The following COL9A1 variants were observed in gnomAD, a reference collection of about 807,000 sequenced individuals.
COL9A1 encodes collagen type IX alpha 1 chain, also known as collagen alpha-1(IX) chain.
In COL9A1, 104 loss-of-function variants were observed where a neutral mutation model predicts 142.6. The observed-to-expected ratio is 0.73, with a 90% CI of 0.62 to 0.86. The LOEUF is 0.86. COL9A1 is among the 40% of genes least tolerant of loss of function. The probability of loss-of-function intolerance (pLI) is 0.00; values close to 1 mark genes in which losing one functional copy is unlikely to be tolerated. For missense variants in COL9A1, 1,210 were observed against 1,176.6 expected, an observed-to-expected ratio of 1.03 and a Z score of -0.42; for synonymous variants, 466 against 396.0, an observed-to-expected ratio of 1.18 and a Z score of -2.10.
intron 5 of COL9A1, among the ~76,000 whole-genome samples, chr6:70,291,466 A>C (rs1275485193): frequency 6.6e-6 from 1 of 152,084 alleles, no homozygotes; most frequent in Non-Finnish European, 1.5e-5. Context: ...AGCATGCAGC[A>C]CTGGCCACTA....
chr6:70,234,828 C>A lies in COL9A1; in HGVS notation c.2225G>T (p.Gly742Val), dbSNP rs1206093741. 5 of 1,613,918 alleles carry A rather than the reference C, an allele frequency of 3.1e-6. No individual in the cohort carries two copies. The highest frequency in any genetic ancestry group is 4.2e-6 in the Non-Finnish European group (5 of 1,179,954). The change falls in exon 34 of 38, where the codon GGT (glycine) becomes GTT (valine). Residue 742 changes from glycine (G) to valine (V), a missense_variant. Physicochemically the swap from Gly to Val is moderately radical, Grantham distance 109. Transcript: ENST00000357250. ...PGPRGVQGEQ[G>V]ATGLPGVQGP... ...CTGGACACCAGGCAGGCCGGTGGCA[C>A]CCTGTTCTCCCTGCACACCCCGGGG...
chr6:70,235,714 C>T (rs551323449), intron 33 of COL9A1, among the ~76,000 whole-genome samples: 7 of 129,554 alleles, frequency 5.4e-5, no homozygotes, highest in African/African-American at 1.7e-4. Flanking sequence ...AGTTATTTAG[C>T]CCTTACAACT....
intron 21 of COL9A1, among the ~76,000 whole-genome samples, chr6:70,255,806 C>T (rs1180737816): frequency 1.4e-5 from 2 of 142,744 alleles, no homozygotes; most frequent in Non-Finnish European, 3.1e-5. Context: ...TAATTTCTGT[C>T]GAAGTGATCT....
intron 37 of COL9A1, among the ~76,000 whole-genome samples, chr6:70,223,728 T>C (rs1417587417): frequency 6.6e-6 from 1 of 152,262 alleles, no homozygotes; most frequent in Non-Finnish European, 1.5e-5. Flanking sequence ...CTCTGGCATC[T>C]GTGCTTTTGA....
At position 70,281,408 on chromosome 6, in the gene COL9A1, T is replaced by C. The variant is rs781351855; in HGVS notation, c.858A>G (p.Pro286=). The change falls in exon 8 of 38, where the codon CCA becomes CCG. Residue 286 remains proline (P), a synonymous_variant. Coordinates refer to ENST00000357250, the MANE Select transcript of COL9A1 (RefSeq NM_001851.6). ...PPGPPGPPGV[P]GIDGIDGDRG... ...AACTTACGTCGATGCCATCGATGCCTGGAACTCCAGGGGGGCCCGGAGGCC... is the reference window on the plus strand; with the variant it reads ...AACTTACGTCGATGCCATCGATGCCCGGAACTCCAGGGGGGCCCGGAGGCC... 1.9e-6 allele frequency: 3 copies of C among 1,613,534 alleles called. No homozygotes were observed. The highest frequency in any genetic ancestry group is 1.3e-5 in the African/African-American group (1 of 74,900).
At chr6:70,227,079 C>T (rs575212436) in intron 36 of COL9A1, among the ~76,000 whole-genome samples, 1 of 152,064 alleles carries the variant, frequency 6.6e-6, no homozygotes, top group South Asian at 2.1e-4. Flanking sequence ...AAAAGTTGAA[C>T]AATTCAGTAA....
chr6:70,221,108 T>TA (rs1026457711), intron 37 of COL9A1, among the ~76,000 whole-genome samples: 2 of 150,968 alleles, frequency 1.3e-5, no homozygotes, highest in East Asian at 1.9e-4. Flanking sequence ...GTTTTTTTTT[T>TA]AAACAAATGA....
At chr6:70,234,970 G>A (rs1562292973) in intron 33 of COL9A1, 30 bp from the exon 34 acceptor site, 2 of 1,613,982 alleles carry the variant, frequency 1.2e-6, no homozygotes, top group Admixed American at 1.7e-5. Flanking sequence ...TATCAAACCA[G>A]GGCTAAGCAT....
intron 1 of COL9A1, 130 bp from the exon 2 acceptor site, chr6:70,302,204 C>CTTTTTTTTTTTTTTTTTTTTTTTTTTT (rs202054376): frequency 6.9e-6 from 2 of 288,316 alleles, no homozygotes; most frequent in African/African-American, 2.9e-5. Flanking sequence ...TTTTTCATTT[C>CTTTTTTTTTTTTTTTTTTTTTTTTTTT]TTTTTTTTTT....
chr6:70,237,873 TG>T (rs1055492721), intron 33 of COL9A1, among the ~76,000 whole-genome samples: 2 of 152,228 alleles, frequency 1.3e-5, no homozygotes, highest in African/African-American at 4.8e-5. Context: ...CAAGTCTGAC[TG>T]GGTCCTCCTG....
At position 70,266,726 on chromosome 6, in the gene COL9A1, T is replaced by G; in HGVS notation, c.1332A>C (p.Gln444His). The G allele has an allele frequency of 6.2e-7, 1 of 1,613,100 alleles. No individual in the cohort carries two copies. Among genetic ancestry groups the G allele is most frequent in the Middle Eastern group, 1.7e-4 (1 of 6,056 alleles). The change falls in exon 18 of 38, where the codon CAA (glutamine) becomes CAC (histidine). Residue 444 changes from glutamine (Q) to histidine (H), a missense_variant. Coordinates refer to ENST00000357250, the MANE Select transcript of COL9A1 (RefSeq NM_001851.6). ...TACCCATTTTCCTTACCTTGTGTCCTTGTCTTCCTGGTTCACCAATTTCTC... is the reference window on the plus strand; with the variant it reads ...TACCCATTTTCCTTACCTTGTGTCCGTGTCTTCCTGGTTCACCAATTTCTC... ...AKGEIGEPGR[Q>H]GHKGEEGDQG...
intron 37 of COL9A1, among the ~76,000 whole-genome samples, chr6:70,223,335 T>C (rs543047023): frequency 1.3e-5 from 2 of 152,262 alleles, no homozygotes; most frequent in South Asian, 4.1e-4. Flanking sequence ...ATGGATTGAG[T>C]TTCTTTATTT....
intron 28 of COL9A1, among the ~76,000 whole-genome samples, chr6:70,250,703 G>T (rs949345034): frequency 6.6e-6 from 1 of 152,196 alleles, no homozygotes; most frequent in Non-Finnish European, 1.5e-5. Flanking sequence ...ATTTGGAAAT[G>T]TTTCTGTGTT....
chr6:70,285,744 A>G (rs2127600999), intron 5 of COL9A1, among the ~76,000 whole-genome samples: 1 of 152,372 alleles, frequency 6.6e-6, no homozygotes, highest in South Asian at 2.1e-4. Flanking sequence ...TACTAAACAG[A>G]ATATAAAATG....
chr6:70,239,212 T>C (rs779266947), intron 33 of COL9A1, 42 bp downstream of exon 33: 5 of 1,266,564 alleles, frequency 3.9e-6, no homozygotes, highest in South Asian at 2.5e-5. Flanking sequence ...GCTTTATTAA[T>C]GTTTTTAATT....
chr6:70,269,269 G>A (rs1772240617), intron 16 of COL9A1, among the ~76,000 whole-genome samples: 1 of 152,056 alleles, frequency 6.6e-6, no homozygotes, highest in Admixed American at 6.6e-5. Flanking sequence ...AATCAAATGG[G>A]CCAACATTGC....
chr6:70,298,595 T>G (rs1773937544), intron 4 of COL9A1, among the ~76,000 whole-genome samples: 1 of 152,160 alleles, frequency 6.6e-6, no homozygotes, highest in Non-Finnish European at 1.5e-5. Flanking sequence ...TAGTGACAGC[T>G]CTAGACAACA....
chr6:70,239,372 TA>T, intron 32 of COL9A1, 86 bp from the exon 33 acceptor site: 1 of 954,218 alleles, frequency 1.0e-6, no homozygotes, highest in Non-Finnish European at 1.7e-6. Context: ...ATTGTGCTAC[TA>T]AAATACGGAA....
intron 37 of COL9A1, among the ~76,000 whole-genome samples, chr6:70,218,993 G>A (rs1768705224): frequency 6.6e-6 from 1 of 152,148 alleles, no homozygotes; most frequent in African/African-American, 2.4e-5. Flanking sequence ...GTATGAAGCA[G>A]ATCATTATGT....
Sources: gnomAD v4.1 joint callset for allele counts (sites outside exome capture counted in the v4.1 genomes callset) on GRCh38, gnomAD v4.1.1 for gene constraint, MANE v1.5 for transcripts, NCBI Gene and HGNC (gene_info 2026-07-23, HGNC 2026-07-21) for gene names.